PRKCE: variants seen among roughly 807,000 people sequenced by gnomAD.
PRKCE encodes protein kinase C epsilon, also known as protein kinase C epsilon type.
A neutral mutation model predicts 85.4 loss-of-function variants in PRKCE; 16 were observed. The ratio of observed to expected loss-of-function variants is 0.19; its 90% CI spans 0.13 to 0.28. PRKCE has a LOEUF of 0.28. PRKCE is among the 10% of genes least tolerant of loss of function. The pLI is 1.00. For missense variants in PRKCE, 573 were observed against 975.2 expected (o/e 0.59, Z 5.49); for synonymous variants, 388 against 371.5 (o/e 1.04, Z -0.51).
At chr2:46,178,063 C>T (rs1372807223) in intron 14 of PRKCE, among the ~76,000 whole-genome samples, 2 of 152,160 alleles carry the variant, frequency 1.3e-5, no homozygotes. Flanking sequence ...AGTTCGAGAC[C>T]AGCCTGACCA....
intron 11 of PRKCE, among the ~76,000 whole-genome samples, chr2:46,097,195 G>A (rs1670773046): frequency 1.3e-5 from 2 of 152,130 alleles, no homozygotes; most frequent in African/African-American, 4.8e-5. Flanking sequence ...CAATGGGCTG[G>A]AAGGGCTGAC....
chr2:45,729,213 C>G (rs1334052072), intron 1 of PRKCE, among the ~76,000 whole-genome samples: 1 of 152,206 alleles, frequency 6.6e-6, no homozygotes, highest in Non-Finnish European at 1.5e-5. Flanking sequence ...AGGATCCTTG[C>G]TGGTTAATTC....
chr2:45,979,273 G>C (rs993451876), intron 4 of PRKCE, among the ~76,000 whole-genome samples: 3 of 152,194 alleles, frequency 2.0e-5, no homozygotes, highest in Non-Finnish European at 2.9e-5. Context: ...ACTGGAGCAG[G>C]TGGCACTTTC....
At chr2:45,940,456 A>G (rs1009433373) in intron 2 of PRKCE, among the ~76,000 whole-genome samples, 1 of 152,234 alleles carries the variant, frequency 6.6e-6, no homozygotes, top group Non-Finnish European at 1.5e-5. Flanking sequence ...AAACATTTCA[A>G]AATGTTGTTG....
intron 1 of PRKCE, among the ~76,000 whole-genome samples, chr2:45,728,700 C>A (rs796900837): frequency 6.6e-6 from 1 of 152,160 alleles, no homozygotes; most frequent in Non-Finnish European, 1.5e-5. Context: ...GGTCTGTCTT[C>A]ACCAGTTCAT....
intron 2 of PRKCE, among the ~76,000 whole-genome samples, chr2:45,966,142 C>T (rs1701713033): frequency 6.6e-6 from 1 of 152,000 alleles, no homozygotes; most frequent in African/African-American, 2.4e-5. Flanking sequence ...GCTGCATGGC[C>T]TTTCACAAGA....
At chr2:46,142,904 C>T (rs1472477939) in intron 11 of PRKCE, among the ~76,000 whole-genome samples, 1 of 152,214 alleles carries the variant, frequency 6.6e-6, no homozygotes, top group East Asian at 1.9e-4. Context: ...CTTCCTCAGA[C>T]ATAACAAAGG....
chr2:46,073,082 C>G (rs1304613168), intron 10 of PRKCE, among the ~76,000 whole-genome samples: 1 of 152,154 alleles, frequency 6.6e-6, no homozygotes, highest in Non-Finnish European at 1.5e-5. Flanking sequence ...AAAATGCTAC[C>G]AAGGGGTTCT....
At chr2:45,781,389 C>T (rs1188448600) in intron 1 of PRKCE, among the ~76,000 whole-genome samples, 7 of 152,192 alleles carry the variant, frequency 4.6e-5, no homozygotes, top group African/African-American at 1.2e-4. Context: ...ACCACCCTAT[C>T]GCAGGGAGTC....
At chr2:45,888,546 G>A (rs375449641) in intron 2 of PRKCE, among the ~76,000 whole-genome samples, 106 of 147,004 alleles carry the variant, frequency 7.2e-4, no homozygotes, top group African/African-American at 2.5e-3. Context: ...GATCTCCTGG[G>A]TTCAAGCAAT....
chr2:45,989,084 A>G (rs1703583946), intron 6 of PRKCE, among the ~76,000 whole-genome samples: 1 of 152,196 alleles, frequency 6.6e-6, no homozygotes, highest in African/African-American at 2.4e-5. Flanking sequence ...GCAACTTCAC[A>G]GGAAAGCCAG....
chr2:45,993,350 G>C (rs901949623), intron 6 of PRKCE, among the ~76,000 whole-genome samples: 11 of 152,178 alleles, frequency 7.2e-5, no homozygotes, highest in African/African-American at 2.7e-4. Flanking sequence ...CTTTGCCCTG[G>C]CATTTCCAGA....
chr2:45,980,194 G>A, intron 4 of PRKCE, 102 bp from the exon 5 acceptor site: 1 of 1,064,070 alleles, frequency 9.4e-7, no homozygotes, highest in Non-Finnish European at 1.4e-6. Flanking sequence ...TGGCAGAAGG[G>A]GCCTGGCTCC....
chr2:46,140,513 T>C (rs1675409723), intron 11 of PRKCE, among the ~76,000 whole-genome samples: 1 of 152,216 alleles, frequency 6.6e-6, no homozygotes, highest in Non-Finnish European at 1.5e-5. Flanking sequence ...ACACATCTTT[T>C]ATCAGAACAA....
At chr2:45,851,060 C>T (rs958753623) in intron 2 of PRKCE, among the ~76,000 whole-genome samples, 2 of 152,156 alleles carry the variant, frequency 1.3e-5, no homozygotes, top group Non-Finnish European at 2.9e-5. Flanking sequence ...AAGGAGCCTC[C>T]CTTCTGTTTG....
chr2:45,726,992 C>G (rs1040727399), intron 1 of PRKCE, among the ~76,000 whole-genome samples: 1 of 152,228 alleles, frequency 6.6e-6, no homozygotes, highest in Non-Finnish European at 1.5e-5. Context: ...TTAATATTGA[C>G]AAGCTCTATT....
chr2:46,179,947 C>G (rs1280949041), intron 14 of PRKCE, among the ~76,000 whole-genome samples: 1 of 152,174 alleles, frequency 6.6e-6, no homozygotes, highest in African/African-American at 2.4e-5. Flanking sequence ...GATAAAGTAG[C>G]AGCAAGAGAG....
chr2:45,713,422 G>A (rs2104390014), intron 1 of PRKCE, among the ~76,000 whole-genome samples: 1 of 152,236 alleles, frequency 6.6e-6, no homozygotes, highest in East Asian at 1.9e-4. Context: ...GCAGGGGTAT[G>A]CATCTTCCTT....
At chr2:45,789,972 C>A (rs987919780) in intron 1 of PRKCE, among the ~76,000 whole-genome samples, 1 of 152,128 alleles carries the variant, frequency 6.6e-6, no homozygotes, top group African/African-American at 2.4e-5. Context: ...GAGCTTTGAT[C>A]AAACGCCTGG....
Sources: gnomAD v4.1 joint callset for allele counts (sites outside exome capture counted in the v4.1 genomes callset) on GRCh38, gnomAD v4.1.1 for gene constraint, MANE v1.5 for transcripts, NCBI Gene and HGNC (gene_info 2026-07-23, HGNC 2026-07-21) for gene names.